The following ABCC12 variants were observed in gnomAD, a reference collection of about 807,000 sequenced individuals.
ABCC12 encodes ATP binding cassette subfamily C member 12, also known as ATP-binding cassette sub-family C member 12.
In ABCC12, 142 loss-of-function variants were observed where a neutral mutation model predicts 151.1. The ratio of observed to expected loss-of-function variants is 0.94; its 90% CI spans 0.82 to 1.08. The LOEUF is 1.08. Among genes scored for constraint, ABCC12 ranks in the 50% least tolerant of loss-of-function variants. ABCC12 has a pLI of 0.00. For synonymous variants in ABCC12, 645 were observed against 646.4 expected (o/e 1.00, Z 0.03); for missense variants, 1,638 against 1,691.1 (o/e 0.97, Z 0.55).
chr16:48,130,648 C>T, intron 10 of ABCC12, 140 bp downstream of exon 10: 1 of 635,668 alleles, frequency 1.6e-6, no homozygotes, highest in South Asian at 1.9e-5. Context: ...TCATCTAACT[C>T]TGAATGGATG....
In ABCC12 at chr16:48,128,713, G is replaced by A. The variant is rs1204303046; in HGVS notation, c.1261C>T (p.Pro421Ser). 3 of 1,613,534 alleles carry A rather than the reference G, an allele frequency of 1.9e-6. No individual in the cohort carries two copies. The South Asian group carries it at 3.3e-5, about 18-fold the overall frequency. ...MKKILIDKSP[P>S]SYITQPEDPD... ...TCTTCTGGTTGGGTGATGTAAGATG[G>A]GGGGCTTTTATCTATGAGAATTTTC... The change falls in exon 11 of 31, where the codon CCA becomes TCA. Residue 421 changes from proline to serine, a missense_variant. Coordinates refer to ENST00000311303, the MANE Select transcript of ABCC12 (RefSeq NM_001393797.1).
Position 48,143,887 on chromosome 16 carries a change from G to T in ABCC12, c.275+23C>A, listed in dbSNP as rs757393394. 3 of 1,608,252 alleles carry T rather than the reference G, an allele frequency of 1.9e-6. No homozygotes were observed. In the South Asian group the frequency reaches 3.3e-5, roughly 18 times the overall value. On this transcript the variant is annotated intron_variant, in intron 4 of 30. Coordinates refer to ENST00000311303, the MANE Select transcript of ABCC12 (RefSeq NM_001393797.1). ...AGCAGTATGAAAATGGACTAATACA[G>T]TGACCCAAGCAAATCCTGGTACCTT...
At chr16:48,140,578 A>G in intron 6 of ABCC12, 109 bp downstream of exon 6, 1 of 1,061,180 alleles carries the variant, frequency 9.4e-7, no homozygotes, top group Non-Finnish European at 1.4e-6. Context: ...TGGGCAGGTC[A>G]TAGACAAGCA....
chr16:48,123,965 G>A (rs374764754), intron 12 of ABCC12, among the ~76,000 whole-genome samples: 24 of 152,356 alleles, frequency 1.6e-4, no homozygotes, highest in East Asian at 1.2e-3. Context: ...TGGAGCTTTA[G>A]GCAAGGAGGC....
chr16:48,089,930 TTTAA>T (rs1272072141), intron 25 of ABCC12, among the ~76,000 whole-genome samples: 3 of 152,160 alleles, frequency 2.0e-5, no homozygotes, highest in Admixed American at 1.3e-4. Context: ...TGTTTATAAG[TTTAA>T]TTAATTAAAT....
In ABCC12 at chr16:48,100,872, T is replaced by G. The variant is rs1342880140; in HGVS notation, c.3038A>C (p.Tyr1013Ser). The G allele has an allele frequency of 6.2e-7, 1 of 1,613,934 alleles. No homozygotes were observed. Among genetic ancestry groups the G allele is most frequent in the Non-Finnish European group, 8.5e-7 (1 of 1,179,898 alleles). The change falls in exon 23 of 31, where the codon TAT (tyrosine) becomes TCT (serine). Residue 1013 changes from tyrosine to serine, a missense_variant and splice_region_variant. Coordinates refer to ENST00000311303, the MANE Select transcript of ABCC12 (RefSeq NM_001393797.1). ...AYGKKESCIT[Y>S]HLLYFNCALR... ...GGGCAGGGCCCCACATGGGACTCAC[T>G]AGGTGATGCAGCTCTCCTTCTTGCC...
rs1303449706 is a variant in ABCC12, at chr16:48,128,575, G to A, written c.1399C>T (p.Gln467Ter). 1 of 1,614,200 alleles carries A rather than the reference G, an allele frequency of 6.2e-7. No homozygotes were observed. The highest frequency in any genetic ancestry group is 1.7e-5 in the Admixed American group (1 of 60,026). ...CTCTCACTGTATGCCTCTGACCTCT[G>A]TTTCTTGCATAAATGCCTTTTCTGG... Reference protein sequence around the residue: ...QNQKRHLCKKQRSEAYSERSP... With the variant: ...QNQKRHLCKK The change falls in exon 11 of 31, where the codon CAG (glutamine) becomes TAG (stop). Residue 467 changes from glutamine to a stop codon, truncating the protein, a stop_gained. Transcript: ENST00000311303. LOFTEE classifies it high-confidence loss of function.
chr16:48,139,088 G>A, intron 7 of ABCC12, 75 bp downstream of exon 7: 1 of 1,471,698 alleles, frequency 6.8e-7, no homozygotes, highest in Non-Finnish European at 9.1e-7. Context: ...CAGAAATGCA[G>A]CCTTCCACCC....
intron 24 of ABCC12, among the ~76,000 whole-genome samples, chr16:48,091,925 C>T (rs1463041978): frequency 3.9e-5 from 6 of 152,182 alleles, no homozygotes; most frequent in Non-Finnish European, 8.8e-5. Flanking sequence ...CCTGGATCAC[C>T]TGGGTGGGTC....
At chr16:48,128,277 GA>G (rs1161750411) in intron 11 of ABCC12, among the ~76,000 whole-genome samples, 181 bp downstream of exon 11, 1 of 152,212 alleles carries the variant, frequency 6.6e-6, no homozygotes, top group Non-Finnish European at 1.5e-5. Context: ...CACACTTGGA[GA>G]GGGGGCCTCC....
rs757398921 is a variant in ABCC12, at chr16:48,107,424, C to A, written c.2373G>T (p.Gly791=). 9.9e-6 allele frequency: 16 copies of A among 1,613,890 alleles called. No homozygotes were observed. In the Admixed American group the frequency reaches 2.2e-4, roughly 22 times the overall value. ...TYHTYIKASG[G]YLLSLFTVFL... is the part of the protein sequence containing the mutation. ...ACACAGTGAAGAGAGAAAGGAGGTACCCTGCAAGAGGAGCGGAGAGGCCCA... is the reference window on the plus strand; with the variant it reads ...ACACAGTGAAGAGAGAAAGGAGGTAACCTGCAAGAGGAGCGGAGAGGCCCA... The change falls in exon 20 of 31, where the codon GGG becomes GGT. Residue 791 remains glycine, a splice_region_variant and synonymous_variant. Coordinates refer to ENST00000311303, the MANE Select transcript of ABCC12 (RefSeq NM_001393797.1).
At position 48,124,899 on chromosome 16, in the gene ABCC12, G is replaced by C. The variant is rs563254437; in HGVS notation, c.1516-615C>G. The stretch of plus-strand genomic sequence containing the variant: ...CTACCCTCATAGAACTTACCTTGTA[G>C]TCAGGGGAAGATGGACAGGAAGCAA... On this transcript the variant is annotated intron_variant, in intron 11 of 30. Coordinates refer to ENST00000311303, the MANE Select transcript of ABCC12 (RefSeq NM_001393797.1). Among the ~76,000 whole-genome samples the C allele has an allele frequency of 3.3e-5, 5 of 152,346 alleles. No individual in the cohort carries two copies. In the South Asian group the frequency reaches 1.0e-3, roughly 32 times the overall value.
At chr16:48,130,930 G>T in intron 9 of ABCC12, 35 bp from the exon 10 acceptor site, 2 of 1,502,178 alleles carry the variant, frequency 1.3e-6, no homozygotes, top group East Asian at 2.3e-5. Flanking sequence ...GGGTTTAGAA[G>T]GAGAAGTCAC....
In ABCC12 at chr16:48,128,649, G is replaced by T; in HGVS notation, c.1325C>A (p.Thr442Lys). 1 of 1,614,182 alleles carries T rather than the reference G, an allele frequency of 6.2e-7. No individual in the cohort carries two copies. Among genetic ancestry groups the T allele is most frequent in the Non-Finnish European group, 8.5e-7 (1 of 1,180,040 alleles). Reference protein sequence around the residue: ...TVLLLANATLTWEHEASRKST... With the variant: ...TVLLLANATLKWEHEASRKST... ...TTTCCTGCTGGCTTCATGCTCCCAT[G>T]TCAAGGTGGCATTTGCTAAAAGCAA... Residue 442 changes from threonine to lysine, a missense_variant, in exon 11 of 31, where the codon ACA (threonine) becomes AAA (lysine). Physicochemically the swap from Thr to Lys is moderately conservative, Grantham distance 78 (BLOSUM62 -1). Coordinates refer to ENST00000311303, the MANE Select transcript of ABCC12 (RefSeq NM_001393797.1).
At chr16:48,142,194 C>A (rs1403068805) in intron 4 of ABCC12, among the ~76,000 whole-genome samples, 1 of 152,122 alleles carries the variant, frequency 6.6e-6, no homozygotes, top group Admixed American at 6.6e-5. Flanking sequence ...AAGTCTGGGG[C>A]CCTGGGTCAA....
intron 9 of ABCC12, among the ~76,000 whole-genome samples, chr16:48,131,698 C>T (rs1567455084): frequency 6.6e-6 from 1 of 152,186 alleles, no homozygotes. Flanking sequence ...CCCTAGCTAC[C>T]CATTTAAGAA....
At position 48,144,009 on chromosome 16, in the gene ABCC12, C is replaced by A. The variant is rs768451336; in HGVS notation, c.176G>T (p.Trp59Leu). The A allele has an allele frequency of 6.2e-7, 1 of 1,614,188 alleles. No individual in the cohort carries two copies. The highest frequency in any genetic ancestry group is 8.5e-7 in the Non-Finnish European group (1 of 1,180,038). The change falls in exon 4 of 31, where the codon TGG becomes TTG. Residue 59 changes from tryptophan to leucine, a missense_variant. Physicochemically the swap from Trp to Leu is moderately conservative, Grantham distance 61. Coordinates refer to ENST00000311303, the MANE Select transcript of ABCC12 (RefSeq NM_001393797.1). ...GCCTTTCACCATCACCGGCGTGAGC[C>A]AGGAAAATGTGGCGAAGGAGAGTAG... ...AGLLSFATFS[W>L]LTPVMVKGYR...
chr16:48,139,487 G>T, intron 6 of ABCC12, 151 bp from the exon 7 acceptor site: 1 of 749,852 alleles, frequency 1.3e-6, no homozygotes, highest in Non-Finnish European at 2.1e-6. Flanking sequence ...AATATGATGA[G>T]TTTTATGGGT....
chr16:48,108,336 A>C, intron 19 of ABCC12, 104 bp downstream of exon 19: 1 of 1,105,310 alleles, frequency 9.0e-7, no homozygotes, highest in Non-Finnish European at 1.3e-6. Context: ...CCCTAGCATA[A>C]ACAGAATAAT....
Sources: allele counts gnomAD v4.1 joint callset (sites outside exome capture counted in the v4.1 genomes callset), GRCh38; gene constraint gnomAD v4.1.1; transcripts MANE v1.5; gene names NCBI Gene and HGNC (gene_info 2026-07-23, HGNC 2026-07-21).